CTSC: variants seen among roughly 807,000 people sequenced by gnomAD.
CTSC encodes the protein dipeptidyl peptidase 1.
CTSC carries 37 observed loss-of-function variants against 40.9 expected under a neutral mutation model. That is an observed-to-expected ratio of 0.91 (90% CI 0.70 to 1.19). The LOEUF (loss-of-function observed/expected upper bound fraction) is 1.19, where lower values mean the gene tolerates loss of function less well. Among genes scored for constraint, CTSC ranks in the 50% most tolerant of loss-of-function variants. The probability of loss-of-function intolerance (pLI) is 0.00; values close to 1 mark genes in which losing one functional copy is unlikely to be tolerated. For synonymous variants in CTSC, 232 were observed against 207.4 expected (o/e 1.12, Z -1.02); for missense variants, 594 against 567.3 (o/e 1.05, Z -0.48).
chr11:88,310,506 G>A (rs561150054), intron 3 of CTSC, among the ~76,000 whole-genome samples: 2 of 152,192 alleles, frequency 1.3e-5, no homozygotes, highest in South Asian at 4.1e-4. Flanking sequence ...ATTAACCTGA[G>A]GAACATTTTA....
chr11:88,313,949 A>G (rs929923290), intron 2 of CTSC, among the ~76,000 whole-genome samples: 2 of 152,222 alleles, frequency 1.3e-5, no homozygotes, highest in African/African-American at 4.8e-5. Context: ...CTGCCCTTGT[A>G]GCACAAAAGC....
chr11:88,309,938 C>T (rs1420107837), intron 3 of CTSC, among the ~76,000 whole-genome samples: 1 of 151,884 alleles, frequency 6.6e-6, no homozygotes. Flanking sequence ...ACAGTTTCTA[C>T]AGTGTACCTT....
chr11:88,337,646 G>A lies in CTSC; in HGVS notation c.27C>T (p.Leu9=), dbSNP rs753028435. The change falls in exon 1 of 7, where the codon CTC becomes CTT. Residue 9 remains leucine (L), a synonymous_variant. Transcript: ENST00000227266. MGAGPSLL[L]AALLLLLSGD... ...CGGAGAGAAGCAGCAGGAGGGCGGC[G>A]AGCAGCAAGGAGGGCCCAGCACCCA... 1.5e-5 allele frequency: 24 copies of A among 1,582,146 alleles called. No individual in the cohort carries two copies. The highest frequency in any genetic ancestry group is 2.3e-5 in the South Asian group (2 of 86,756).
chr11:88,326,231 T>C, intron 2 of CTSC: 2 of 1,474,778 alleles, frequency 1.4e-6, no homozygotes, highest in African/African-American at 2.8e-5. Flanking sequence ...AAGGGAGTGT[T>C]CAGGAGGGCA....
At chr11:88,297,024 T>C (rs1226095579) in intron 5 of CTSC, 2 of 152,784 alleles carry the variant, frequency 1.3e-5, no homozygotes, top group African/African-American at 4.8e-5. Flanking sequence ...CCTGCTCACT[T>C]GATAGATAAC....
At chr11:88,330,991 C>A (rs1938339735) in intron 2 of CTSC, among the ~76,000 whole-genome samples, 1 of 152,156 alleles carries the variant, frequency 6.6e-6, no homozygotes, top group African/African-American at 2.4e-5. Context: ...TGGTGAGATG[C>A]AGGATGCTGA....
intron 4 of CTSC, among the ~76,000 whole-genome samples, chr11:88,301,786 G>A (rs1944364114): frequency 7.5e-6 from 1 of 133,658 alleles, no homozygotes; most frequent in African/African-American, 2.8e-5. Context: ...ACATACACAT[G>A]CACACACACA....
At chr11:88,304,952 G>T (rs888837199) in intron 4 of CTSC, among the ~76,000 whole-genome samples, 8 of 152,166 alleles carry the variant, frequency 5.3e-5, no homozygotes, top group Non-Finnish European at 1.2e-4. Flanking sequence ...ACAAAAATTG[G>T]CTGGGCATGG....
chr11:88,318,011 A>G (rs1937917313), intron 2 of CTSC, among the ~76,000 whole-genome samples: 1 of 152,210 alleles, frequency 6.6e-6, no homozygotes, highest in African/African-American at 2.4e-5. Flanking sequence ...ATCCAATTAG[A>G]TATACCTAGT....
At chr11:88,328,135 A>C in intron 2 of CTSC, 3 of 1,613,458 alleles carry the variant, frequency 1.9e-6, no homozygotes, top group Non-Finnish European at 2.5e-6. Context: ...CAGATGTGGC[A>C]AATCATATAT....
intron 2 of CTSC, among the ~76,000 whole-genome samples, chr11:88,332,937 A>G (rs958238592): frequency 1.3e-5 from 2 of 152,240 alleles, no homozygotes. Context: ...GGGAACACAT[A>G]TAACTTTATT....
chr11:88,326,717 T>C (rs1938204187), intron 2 of CTSC, among the ~76,000 whole-genome samples: 1 of 152,184 alleles, frequency 6.6e-6, no homozygotes, highest in South Asian at 2.1e-4. Context: ...AATATGTTTC[T>C]GAAACATACT....
At chr11:88,304,966 G>T (rs1937618179) in intron 4 of CTSC, among the ~76,000 whole-genome samples, 1 of 152,054 alleles carries the variant, frequency 6.6e-6, no homozygotes. Context: ...GGCATGGTGG[G>T]TCATGCCTGT....
intron 2 of CTSC, among the ~76,000 whole-genome samples, chr11:88,329,716 T>C (rs954348025): frequency 4.0e-5 from 6 of 151,878 alleles, no homozygotes; most frequent in South Asian, 2.1e-4. Context: ...TGTTGTTACA[T>C]TGTGTGTGTG....
chr11:88,325,268 C>A (rs1938149207), intron 2 of CTSC: 33 of 985,370 alleles, frequency 3.3e-5, no homozygotes, highest in Non-Finnish European at 3.6e-5. Flanking sequence ...AAACTACAAA[C>A]TGAAGGAGAA....
intron 5 of CTSC, chr11:88,296,479 G>C (rs1422877968): frequency 5.9e-6 from 3 of 505,564 alleles, no homozygotes; most frequent in Non-Finnish European, 1.1e-5. Context: ...GCAAACATTA[G>C]TACATGGGAC....
At chr11:88,323,057 A>G (rs1051541384) in intron 2 of CTSC, 1 of 152,222 alleles carries the variant, frequency 6.6e-6, no homozygotes, top group Non-Finnish European at 1.5e-5. Flanking sequence ...CAGCACATCC[A>G]AAAGCTTATC....
intron 3 of CTSC, 67 bp from the exon 4 acceptor site, chr11:88,309,385 G>A (rs1591228122): frequency 1.5e-6 from 2 of 1,341,078 alleles, no homozygotes; most frequent in Non-Finnish European, 2.1e-6. Flanking sequence ...ATTAAAACAG[G>A]CATTCACACT....
intron 2 of CTSC, among the ~76,000 whole-genome samples, chr11:88,317,501 C>T (rs1470263967): frequency 6.6e-6 from 1 of 152,114 alleles, no homozygotes; most frequent in Admixed American, 6.5e-5. Flanking sequence ...AGCTGCAATG[C>T]CACTCTGCAC....
Sources: gnomAD v4.1 joint callset for allele counts (sites outside exome capture counted in the v4.1 genomes callset) on GRCh38, gnomAD v4.1.1 for gene constraint, MANE v1.5 for transcripts, NCBI Gene and HGNC (gene_info 2026-07-23, HGNC 2026-07-21) for gene names.